IL1RAPL2: variants seen among roughly 807,000 people sequenced by gnomAD.
The protein encoded by IL1RAPL2 is X-linked interleukin-1 receptor accessory protein-like 2.
A neutral mutation model predicts 44.1 loss-of-function variants in IL1RAPL2; 3 were observed. The ratio of observed to expected loss-of-function variants is 0.07; its 90% CI spans 0.03 to 0.18. The LOEUF (loss-of-function observed/expected upper bound fraction) is 0.18, where lower values mean the gene tolerates loss of function less well. IL1RAPL2 is among the 10% of genes least tolerant of loss of function. The pLI is 1.00. For synonymous variants in IL1RAPL2, 181 were observed against 178.8 expected (o/e 1.01, Z -0.10); for missense variants, 391 against 496.4 (o/e 0.79, Z 2.02).
At chrX:104,964,278 G>GGATTGATT (rs1169300634) in intron 2 of IL1RAPL2, among the ~76,000 whole-genome samples, 1 of 86,152 alleles carries the variant, frequency 1.2e-5, no homozygotes, top group African/African-American at 4.2e-5. Flanking sequence ...ATTGTGCCAG[G>GGATTGATT]GATTTATTTA....
chrX:104,682,298 A>C (rs946852935), intron 2 of IL1RAPL2, among the ~76,000 whole-genome samples: 1 of 112,403 alleles, frequency 8.9e-6, no homozygotes, highest in African/African-American at 3.2e-5. Context: ...CAGAAATTTC[A>C]AAAAATTACA....
intron 1 of IL1RAPL2, chrX:104,647,494 G>T: frequency 1.8e-6 from 1 of 553,506 alleles, no homozygotes; most frequent in Non-Finnish European, 3.2e-6. Context: ...GATGTGTCAA[G>T]GACACATCGT....
At chrX:104,629,419 T>G (rs1221314462) in intron 1 of IL1RAPL2, among the ~76,000 whole-genome samples, 2 of 112,226 alleles carry the variant, frequency 1.8e-5, no homozygotes, top group Non-Finnish European at 3.8e-5. Flanking sequence ...TCCTTGTGTA[T>G]TCTGTATATT....
chrX:105,115,902 A>G (rs138629862), intron 2 of IL1RAPL2, among the ~76,000 whole-genome samples: 9,884 of 112,840 alleles, frequency 0.088, 1,043 homozygotes, highest in African/African-American at 0.3. Context: ...TGCCCCGCAG[A>G]GAGGCAGCTA....
chrX:105,621,039 G>A, intron 6 of IL1RAPL2, among the ~76,000 whole-genome samples: 1 of 111,229 alleles, frequency 9.0e-6, no homozygotes, highest in Non-Finnish European at 1.9e-5. Flanking sequence ...CCCAGGAGAT[G>A]TTCTAAAGCT....
At chrX:105,045,928 T>C (rs2031831726) in intron 2 of IL1RAPL2, among the ~76,000 whole-genome samples, 1 of 111,198 alleles carries the variant, frequency 9.0e-6, no homozygotes. Flanking sequence ...AAAAAATTAT[T>C]AAATTTGGCT....
At chrX:104,704,115 T>C (rs992160590) in intron 2 of IL1RAPL2, among the ~76,000 whole-genome samples, 4 of 111,961 alleles carry the variant, frequency 3.6e-5, no homozygotes, top group Middle Eastern at 4.2e-3. Flanking sequence ...CATGGTGGCA[T>C]TTGGTTTAAA....
intron 6 of IL1RAPL2, among the ~76,000 whole-genome samples, chrX:105,627,454 C>T (rs529244259): frequency 3.1e-4 from 34 of 111,232 alleles, no homozygotes; most frequent in African/African-American, 8.8e-4. Flanking sequence ...TGTTAGGCAA[C>T]GCTGCTTTCA....
chrX:105,362,848 A>T (rs999261901), intron 5 of IL1RAPL2, among the ~76,000 whole-genome samples: 2 of 111,178 alleles, frequency 1.8e-5, no homozygotes, highest in African/African-American at 6.5e-5. Flanking sequence ...TATCCATTTT[A>T]TGTTTTTGTG....
chrX:105,482,285 C>T (rs762392328), intron 5 of IL1RAPL2, among the ~76,000 whole-genome samples: 1 of 111,577 alleles, frequency 9.0e-6, no homozygotes, highest in Non-Finnish European at 1.9e-5. Flanking sequence ...ATTTTAAATT[C>T]AAACATATTC....
chrX:104,667,434 A>G (rs1341664841), intron 2 of IL1RAPL2, among the ~76,000 whole-genome samples: 1 of 111,469 alleles, frequency 9.0e-6, no homozygotes, highest in Non-Finnish European at 1.9e-5. Context: ...ACTAACATGC[A>G]TCGAGTGCTC....
chrX:104,938,958 T>A (rs1925092931), intron 2 of IL1RAPL2, among the ~76,000 whole-genome samples: 1 of 111,805 alleles, frequency 8.9e-6, no homozygotes, highest in South Asian at 3.7e-4. Context: ...AATATTTGTC[T>A]TGTACAACAC....
intron 2 of IL1RAPL2, among the ~76,000 whole-genome samples, chrX:105,136,649 C>T (rs947995317): frequency 8.9e-6 from 1 of 112,458 alleles, no homozygotes; most frequent in African/African-American, 3.2e-5. Context: ...TAGAAAATTA[C>T]AGTATTATCT....
intron 5 of IL1RAPL2, among the ~76,000 whole-genome samples, chrX:105,428,969 G>C (rs1434895354): frequency 9.0e-6 from 1 of 111,296 alleles, no homozygotes; most frequent in Non-Finnish European, 1.9e-5. Flanking sequence ...ATGGAGACAC[G>C]TTCTGCCCCA....
intron 2 of IL1RAPL2, among the ~76,000 whole-genome samples, chrX:104,757,366 T>C (rs930638933): frequency 3.6e-5 from 4 of 111,412 alleles, no homozygotes; most frequent in African/African-American, 6.5e-5. Context: ...AGAGCTCTGT[T>C]TGGAGTATGT....
chrX:104,721,831 A>G (rs1284560995), intron 2 of IL1RAPL2, among the ~76,000 whole-genome samples: 1 of 111,664 alleles, frequency 9.0e-6, no homozygotes, highest in Admixed American at 9.5e-5. Flanking sequence ...TAATGCTGCA[A>G]TTGTCAAAGT....
chrX:104,775,115 GT>G (rs1932698000), intron 2 of IL1RAPL2, among the ~76,000 whole-genome samples: 1 of 112,504 alleles, frequency 8.9e-6, no homozygotes, highest in Non-Finnish European at 1.9e-5. Flanking sequence ...AAGCATAAAA[GT>G]TAGTGCTCAA....
chrX:105,227,240 TTATGA>T (rs1485972015), intron 3 of IL1RAPL2, among the ~76,000 whole-genome samples: 7 of 111,574 alleles, frequency 6.3e-5, no homozygotes, highest in Non-Finnish European at 1.3e-4. Flanking sequence ...AATAAAAAAA[TTATGA>T]TATGTTTATG....
intron 2 of IL1RAPL2, among the ~76,000 whole-genome samples, chrX:104,703,875 C>T (rs890468015): frequency 1.9e-4 from 21 of 112,144 alleles, no homozygotes; most frequent in Non-Finnish European, 3.2e-4. Context: ...ATTACACTGC[C>T]TGCTAGGATG....
Sources: gnomAD v4.1 joint callset for allele counts (sites outside exome capture counted in the v4.1 genomes callset) on GRCh38, gnomAD v4.1.1 for gene constraint, MANE v1.5 for transcripts, NCBI Gene and HGNC (gene_info 2026-07-23, HGNC 2026-07-21) for gene names.